MAP2: variants seen among roughly 807,000 people sequenced by gnomAD.
MAP2 encodes microtubule-associated protein 2.
Under a neutral mutation model 137.6 loss-of-function variants are expected in MAP2, and 14 were observed. The observed-to-expected ratio is 0.10, with a 90% CI of 0.07 to 0.16. MAP2 has a LOEUF of 0.16. Among genes scored for constraint, MAP2 ranks in the 10% least tolerant of loss-of-function variants. The pLI is 1.00. For synonymous variants in MAP2, 786 were observed against 782.3 expected (o/e 1.00, Z -0.08); for missense variants, 2,088 against 2,191.5 (o/e 0.95, Z 0.94).
intron 4 of MAP2, among the ~76,000 whole-genome samples, chr2:209,652,301 T>A (rs1456265273): frequency 6.6e-6 from 1 of 152,218 alleles, no homozygotes; most frequent in Non-Finnish European, 1.5e-5. Context: ...CTTTTTCAGA[T>A]CTTATTTGAT....
At chr2:209,608,032 T>A (rs1300915360) in intron 3 of MAP2, among the ~76,000 whole-genome samples, 1 of 152,214 alleles carries the variant, frequency 6.6e-6, no homozygotes, top group Non-Finnish European at 1.5e-5. Flanking sequence ...CCTGTGATCA[T>A]CTTATTTTAA....
At chr2:209,725,640 C>T in intron 13 of MAP2, 69 bp from the exon 14 acceptor site, 1 of 968,978 alleles carries the variant, frequency 1.0e-6, no homozygotes, top group Non-Finnish European at 1.5e-6. Context: ...GTTTCTAGAT[C>T]TTATGTATGA....
intron 2 of MAP2, among the ~76,000 whole-genome samples, chr2:209,570,950 A>G (rs185733860): frequency 6.6e-6 from 1 of 152,040 alleles, no homozygotes; most frequent in East Asian, 1.9e-4. Flanking sequence ...ACTTGTTGCC[A>G]TATTCCTAAA....
chr2:209,704,689 T>A, intron 11 of MAP2: 1 of 1,377,384 alleles, frequency 7.3e-7, no homozygotes, highest in Non-Finnish European at 9.7e-7. Context: ...TTATAGAACC[T>A]AATTCAGGAA....
intron 7 of MAP2, among the ~76,000 whole-genome samples, chr2:209,681,081 A>G (rs1272797900): frequency 6.6e-6 from 1 of 152,200 alleles, no homozygotes; most frequent in East Asian, 1.9e-4. Context: ...TCAGTTGCTA[A>G]AATAACTGTA....
intron 4 of MAP2, among the ~76,000 whole-genome samples, chr2:209,642,942 A>G (rs2094145374): frequency 1.3e-5 from 2 of 152,230 alleles, no homozygotes. Flanking sequence ...ACTGATATGC[A>G]TAGTAACAGT....
intron 1 of MAP2, among the ~76,000 whole-genome samples, chr2:209,452,112 G>GC (rs747209255): frequency 6.6e-6 from 1 of 152,172 alleles, no homozygotes; most frequent in Non-Finnish European, 1.5e-5. Flanking sequence ...TAGGCTGTTT[G>GC]CAAGTCTAGC....
At chr2:209,588,647 A>G (rs1559362307) in intron 3 of MAP2, among the ~76,000 whole-genome samples, 2 of 152,134 alleles carry the variant, frequency 1.3e-5, no homozygotes, top group Admixed American at 6.6e-5. Flanking sequence ...TGATTTTCTC[A>G]TGGTAAGATT....
At chr2:209,543,883 A>T (rs1477298872) in intron 2 of MAP2, among the ~76,000 whole-genome samples, 1 of 152,166 alleles carries the variant, frequency 6.6e-6, no homozygotes, top group African/African-American at 2.4e-5. Context: ...TAAATCCATG[A>T]TGTCTGTCTC....
intron 1 of MAP2, among the ~76,000 whole-genome samples, chr2:209,496,089 G>A (rs1039712837): frequency 1.3e-5 from 2 of 152,036 alleles, no homozygotes; most frequent in African/African-American, 4.8e-5. Flanking sequence ...CTCATGCCTC[G>A]CTTCCTATGA....
chr2:209,542,094 C>T (rs1307042627), intron 2 of MAP2, among the ~76,000 whole-genome samples: 1 of 152,212 alleles, frequency 6.6e-6, no homozygotes, highest in East Asian at 1.9e-4. Flanking sequence ...GTCAAAATTA[C>T]TCCTTGGTCC....
At chr2:209,523,756 G>A (rs1305386901) in intron 2 of MAP2, among the ~76,000 whole-genome samples, 1 of 152,142 alleles carries the variant, frequency 6.6e-6, no homozygotes, top group Non-Finnish European at 1.5e-5. Context: ...ATCAAAGATT[G>A]AAGTGCCCTA....
In MAP2 at chr2:209,678,557, TA is replaced by T; in HGVS notation, c.263-14del. On this transcript the variant is annotated splice_polypyrimidine_tract_variant and intron_variant, in intron 5 of 15. Transcript: ENST00000682079. ...TTCTCATCGTTATATTTTATTTTGT[TA>T]CTGTTTATTACAGAGGAGGTGTCTG... The T allele has an allele frequency of 7.5e-7, 1 of 1,327,068 alleles. No homozygotes were observed. Among genetic ancestry groups the T allele is most frequent in the Non-Finnish European group, 1.0e-6 (1 of 957,264 alleles). 82.2% of individuals were successfully genotyped at this position (1,327,068 alleles called of 1,614,324 possible). A position where few individuals can be genotyped will look rare whatever the true frequency, so the allele number is the denominator to read the frequency against.
chr2:209,696,553 A>G lies in MAP2; in HGVS notation c.4192A>G (p.Ser1398Gly). Residue 1398 changes from serine (S) to glycine (G), a missense_variant, in exon 9 of 16, where the codon AGC becomes GGC. Physicochemically the swap from Ser to Gly is moderately conservative, Grantham distance 56. This residue lies in a region of MAP2 where 591 missense variants were observed against 642.6 expected (regional missense o/e 0.92). Transcript: ENST00000682079. ...LWVDTQDDDR[S>G]IMTEQLETIP... ...GCTTTGATCCACAGATGATGATAGG[A>G]GCATCATGACAGAACAGTTAGAAAC... 1.2e-6 allele frequency: 2 copies of G among 1,611,062 alleles called. No homozygotes were observed. The highest frequency in any genetic ancestry group is 1.1e-5 in the South Asian group (1 of 90,180).
intron 3 of MAP2, among the ~76,000 whole-genome samples, chr2:209,592,982 T>C (rs1245548494): frequency 1.3e-5 from 2 of 152,100 alleles, no homozygotes; most frequent in Admixed American, 1.3e-4. Context: ...TTTTTTTCCT[T>C]TTTGTCAACT....
intron 1 of MAP2, among the ~76,000 whole-genome samples, chr2:209,428,693 T>C (rs1693274015): frequency 6.6e-6 from 1 of 151,920 alleles, no homozygotes; most frequent in South Asian, 2.1e-4. Flanking sequence ...ATCTTGGTCC[T>C]TTCTTTGAAC....
At chr2:209,569,997 G>T (rs891680089) in intron 2 of MAP2, among the ~76,000 whole-genome samples, 34 of 151,822 alleles carry the variant, frequency 2.2e-4, no homozygotes, top group Admixed American at 6.6e-4. Flanking sequence ...GATTAAACCA[G>T]ATAGATAGTA....
chr2:209,454,554 C>T (rs958724640), intron 1 of MAP2, among the ~76,000 whole-genome samples: 2 of 152,082 alleles, frequency 1.3e-5, no homozygotes, highest in Non-Finnish European at 2.9e-5. Context: ...CCAGGCTGGT[C>T]ATGAACTCCT....
At chr2:209,493,885 A>G (rs1280110254) in intron 1 of MAP2, among the ~76,000 whole-genome samples, 2 of 152,222 alleles carry the variant, frequency 1.3e-5, no homozygotes, top group Non-Finnish European at 1.5e-5. Context: ...CGATTCCTCA[A>G]TGATCTAGAA....
Sources: gnomAD v4.1 joint callset for allele counts (sites outside exome capture counted in the v4.1 genomes callset) on GRCh38, gnomAD v4.1.1 for gene constraint, gnomAD v4.1.1 regional missense constraint, MANE v1.5 for transcripts, NCBI Gene and HGNC (gene_info 2026-07-23, HGNC 2026-07-21) for gene names.